The following SLC26A2 variants were observed in gnomAD, a reference collection of about 807,000 sequenced individuals.
The protein encoded by SLC26A2 is solute carrier family 26 member 2.
Under a neutral mutation model 41.1 loss-of-function variants are expected in SLC26A2, and 36 were observed. That is an observed-to-expected ratio of 0.88 (90% CI 0.67 to 1.16). SLC26A2 has a LOEUF of 1.16. SLC26A2 is among the 50% of genes most tolerant of loss of function. The pLI is 0.00. For synonymous variants in SLC26A2, 291 were observed against 311.6 expected (o/e 0.93, Z 0.70); for missense variants, 796 against 869.6 (o/e 0.92, Z 1.07).
At position 149,983,091 on chromosome 5, in the gene SLC26A2, T is replaced by C. The variant is rs1381161196; in HGVS notation, c.*1278T>C. 6.6e-6 allele frequency: 1 copy of C among 152,050 alleles called. No homozygotes were observed. Among genetic ancestry groups the C allele is most frequent in the African/African-American group, 2.4e-5 (1 of 41,434 alleles). 9.4% of individuals were successfully genotyped at this position (152,050 alleles called of 1,614,324 possible). A position where few individuals can be genotyped will look rare whatever the true frequency, so the allele number is the denominator to read the frequency against. Reference sequence around the variant, plus strand: ...ATCTGTTCCCAGTTTCTAAACAATTTTAAATATTTATGAGAAGCAAACCCT... The same window carrying C: ...ATCTGTTCCCAGTTTCTAAACAATTCTAAATATTTATGAGAAGCAAACCCT... On this transcript the variant is annotated 3_prime_UTR_variant, in exon 3 of 3. Coordinates refer to ENST00000286298, the MANE Select transcript of SLC26A2 (RefSeq NM_000112.4).
chr5:149,981,658 A>T lies in SLC26A2; in HGVS notation c.2065A>T (p.Thr689Ser), dbSNP rs3776070. ...GGTTCTGCTGGCTCAGTGCAATCCCACTGTGAGGGATTCCCTAACCAACGG... is the reference window on the plus strand; with the variant it reads ...GGTTCTGCTGGCTCAGTGCAATCCCTCTGTGAGGGATTCCCTAACCAACGG... ...IQVLLAQCNP[T>S]VRDSLTNGEY... The change falls in exon 3 of 3, where the codon ACT becomes TCT. Residue 689 changes from threonine to serine, a missense_variant. Transcript: ENST00000286298. The T allele has an allele frequency of 0.15, 245,258 of 1,613,420 alleles. 20,943 individuals carry two copies. The highest frequency in any genetic ancestry group is 0.32 in the Admixed American group (19,236 of 59,946).
Position 149,982,615 on chromosome 5 carries a change from A to T in SLC26A2, c.*802A>T, listed in dbSNP as rs1054433524. On this transcript the variant is annotated 3_prime_UTR_variant, in exon 3 of 3. Coordinates refer to ENST00000286298, the MANE Select transcript of SLC26A2 (RefSeq NM_000112.4). ...TGTTTCTGAGACTTTCTCTACCATT[A>T]AGCTCTATTTTAGCTTTCAGTTATT... is the stretch of plus-strand genomic sequence containing the variant. The T allele has an allele frequency of 1.3e-5, 2 of 152,264 alleles. No homozygotes were observed. The highest frequency in any genetic ancestry group is 3.9e-4 in the East Asian group (2 of 5,184). The allele number at this position is 152,264 out of a possible 1,614,324, so 9.4% of individuals were successfully genotyped here.
chr5:149,969,318 A>G (rs557989380), intron 1 of SLC26A2, among the ~76,000 whole-genome samples: 1 of 152,340 alleles, frequency 6.6e-6, no homozygotes, highest in East Asian at 1.9e-4. Context: ...TCAGCAGAGA[A>G]TGAGGTACTG....
At chr5:149,979,278 C>T (rs1755051859) in intron 2 of SLC26A2, among the ~76,000 whole-genome samples, 1 of 152,056 alleles carries the variant, frequency 6.6e-6, no homozygotes, top group Non-Finnish European at 1.5e-5. Context: ...CTAATGCAGG[C>T]ATTTCAAACC....
chr5:149,981,242 A>G lies in SLC26A2; in HGVS notation c.1649A>G (p.Lys550Arg). Residue 550 changes from lysine (K) to arginine (R), a missense_variant, in exon 3 of 3, where the codon AAG becomes AGG. Transcript: ENST00000286298. ...FCVILRTQKPKSSLLGLVEES... is the reference protein window; with the variant it reads ...FCVILRTQKPRSSLLGLVEES... ...GTCATCCTCCGCACTCAGAAGCCAA[A>G]GAGTTCACTGCTTGGCTTGGTGGAA... 1 of 1,614,160 alleles carries G rather than the reference A, an allele frequency of 6.2e-7. No individual in the cohort carries two copies. The highest frequency in any genetic ancestry group is 8.5e-7 in the Non-Finnish European group (1 of 1,180,006).
At chr5:149,965,586 T>A (rs949340427) in intron 1 of SLC26A2, among the ~76,000 whole-genome samples, 2 of 151,826 alleles carry the variant, frequency 1.3e-5, no homozygotes, top group Non-Finnish European at 2.9e-5. Flanking sequence ...TTTAATTATT[T>A]TTTTTTCTTA....
chr5:149,981,898 T>C lies in SLC26A2; in HGVS notation c.*85T>C. On this transcript the variant is annotated 3_prime_UTR_variant, in exon 3 of 3. Coordinates refer to ENST00000286298, the MANE Select transcript of SLC26A2 (RefSeq NM_000112.4). ...TTCCCAGTTCCACAGTGGGAAATTTTGCACACTTGAAATTTTAACCAAGTG... is the reference window on the plus strand; with the variant it reads ...TTCCCAGTTCCACAGTGGGAAATTTCGCACACTTGAAATTTTAACCAAGTG... The C allele has an allele frequency of 9.3e-7, 1 of 1,070,054 alleles. No individual in the cohort carries two copies. Among genetic ancestry groups the C allele is most frequent in the Non-Finnish European group, 1.4e-6 (1 of 721,680 alleles). 66.3% of individuals were successfully genotyped at this position (1,070,054 alleles called of 1,614,324 possible).
intron 1 of SLC26A2, among the ~76,000 whole-genome samples, chr5:149,964,481 A>G (rs1176300696): frequency 1.3e-5 from 2 of 151,744 alleles, no homozygotes; most frequent in African/African-American, 4.8e-5. Context: ...CATCTCAAAA[A>G]TAAAAATAAA....
At chr5:149,969,225 G>A (rs567729899) in intron 1 of SLC26A2, among the ~76,000 whole-genome samples, 1 of 152,296 alleles carries the variant, frequency 6.6e-6, no homozygotes, top group South Asian at 2.1e-4. Flanking sequence ...CACAAAAAGT[G>A]TAGAACATCT....
In SLC26A2 at chr5:149,981,453, G is replaced by A. The variant is rs1755099994; in HGVS notation, c.1860G>A (p.Lys620=). 3 of 1,613,998 alleles carry A rather than the reference G, an allele frequency of 1.9e-6. No individual in the cohort carries two copies. Among genetic ancestry groups the A allele is most frequent in the South Asian group, 2.2e-5 (2 of 91,078 alleles). The change falls in exon 3 of 3, where the codon AAG becomes AAA. Residue 620 remains lysine, a synonymous_variant. Transcript: ENST00000286298. ...KVAWKKAAKR[K]IKEKVVTLGG... ...CTTGGAAGAAGGCAGCAAAGAGAAA[G>A]ATCAAAGAAAAAGTAGTGACTCTTG... is the stretch of plus-strand genomic sequence containing the variant.
intron 1 of SLC26A2, among the ~76,000 whole-genome samples, chr5:149,963,911 G>A (rs543197981): frequency 1.3e-5 from 2 of 151,948 alleles, no homozygotes; most frequent in South Asian, 4.2e-4. Context: ...TCTAGGAAGG[G>A]ACCGATTTAT....
chr5:149,981,467 T>C lies in SLC26A2; in HGVS notation c.1874T>C (p.Val625Ala). ...KAAKRKIKEK[V>A]VTLGGIQDEM... ...GCAAAGAGAAAGATCAAAGAAAAAG[T>C]AGTGACTCTTGGTGGAATCCAGGAT... is the stretch of plus-strand genomic sequence containing the variant. The change falls in exon 3 of 3, where the codon GTA becomes GCA. Residue 625 changes from valine (V) to alanine (A), a missense_variant. Transcript: ENST00000286298. 1.9e-6 allele frequency: 3 copies of C among 1,614,118 alleles called. No homozygotes were observed. Among genetic ancestry groups the C allele is most frequent in the Admixed American group, 3.3e-5 (2 of 60,012 alleles).
Position 149,981,312 on chromosome 5 carries a change from G to A in SLC26A2, c.1719G>A (p.Gln573=), listed in dbSNP as rs1755095360. Residue 573 remains glutamine, a synonymous_variant, in exon 3 of 3, where the codon CAG becomes CAA. Transcript: ENST00000286298. ...CTGTGTCTGCTTACAAGAACCTTCA[G>A]ATTAAGCCAGGCATCAAGATTTTCC... ...FESVSAYKNL[Q]IKPGIKIFRF... 6.2e-7 allele frequency: 1 copy of A among 1,614,000 alleles called. No homozygotes were observed. Among genetic ancestry groups the A allele is most frequent in the Non-Finnish European group, 8.5e-7 (1 of 1,180,012 alleles).
At position 149,977,794 on chromosome 5, in the gene SLC26A2, T is replaced by G; in HGVS notation, c.142T>G (p.Cys48Gly). Residue 48 changes from cysteine to glycine, a missense_variant, in exon 2 of 3, where the codon TGC (cysteine) becomes GGC (glycine). Transcript: ENST00000286298. Reference sequence around the variant, plus strand: ...CAAGCAATTTGAGACCAATGATCAATGCAGACCTTATCATAGGATCCTTAT... The same window carrying G: ...CAAGCAATTTGAGACCAATGATCAAGGCAGACCTTATCATAGGATCCTTAT... ...DFKQFETNDQ[C>G]RPYHRILIER... 1 of 1,614,094 alleles carries G rather than the reference T, an allele frequency of 6.2e-7. No homozygotes were observed. The highest frequency in any genetic ancestry group is 8.5e-7 in the Non-Finnish European group (1 of 1,179,900).
rs543128334 is a variant in SLC26A2 at position 149,986,868 on chromosome 5, A to G, written c.*5055A>G. ...AATAATAAGATACATGGGATCAAAT[A>G]GCCCTTGCCTTTTCAACACAAATCA... On this transcript the variant is annotated 3_prime_UTR_variant, in exon 3 of 3. Coordinates refer to ENST00000286298, the MANE Select transcript of SLC26A2 (RefSeq NM_000112.4). 2.0e-5 allele frequency: 3 copies of G among 152,376 alleles called. No individual in the cohort carries two copies. The highest frequency in any genetic ancestry group is 1.3e-4 in the Admixed American group (2 of 15,312). The allele number at this position is 152,376 out of a possible 1,614,324, so 9.4% of individuals were successfully genotyped here.
At chr5:149,961,725 T>C (rs1754710107) in intron 1 of SLC26A2, among the ~76,000 whole-genome samples, 1 of 152,098 alleles carries the variant, frequency 6.6e-6, no homozygotes, top group African/African-American at 2.4e-5. Flanking sequence ...AACAGTTCTT[T>C]ATGTGAAATC....
Position 149,966,792 on chromosome 5 carries a change from A to C in SLC26A2, c.-26+5813A>C, listed in dbSNP as rs571034331. On this transcript the variant is annotated intron_variant, in intron 1 of 2. Transcript: ENST00000286298. ...CCTGTATCTGATTAATATGTCATCA[A>C]ATCTATCCAATGAAGCTGTCATATT... is the stretch of plus-strand genomic sequence containing the variant. Among the ~76,000 whole-genome samples the C allele has an allele frequency of 3.3e-5, 5 of 152,140 alleles. No individual in the cohort carries two copies. The East Asian group carries it at 5.8e-4, about 18-fold the overall frequency.
At chr5:149,979,720 T>G (rs2113697262) in intron 2 of SLC26A2, among the ~76,000 whole-genome samples, 1 of 129,780 alleles carries the variant, frequency 7.7e-6, no homozygotes, top group Middle Eastern at 4.8e-3. Flanking sequence ...TAGTATGAGG[T>G]TAAAGATAAT....
intron 1 of SLC26A2, among the ~76,000 whole-genome samples, chr5:149,963,241 C>T (rs779929746): frequency 6.6e-6 from 1 of 151,656 alleles, no homozygotes; most frequent in African/African-American, 2.4e-5. Context: ...TCCCAAGTAG[C>T]TGGGATTACA....
Sources: gnomAD v4.1 joint callset for allele counts (sites outside exome capture counted in the v4.1 genomes callset) on GRCh38, gnomAD v4.1.1 for gene constraint, MANE v1.5 for transcripts, NCBI Gene and HGNC (gene_info 2026-07-23, HGNC 2026-07-21) for gene names.